The following MORC4 variants were observed in gnomAD, a reference collection of about 807,000 sequenced individuals.
MORC4 encodes the protein MORC family CW-type zinc finger protein 4.
MORC4 carries 22 observed loss-of-function variants against 65.5 expected under a neutral mutation model. The observed-to-expected ratio is 0.34, with a 90% CI of 0.24 to 0.48. The LOEUF (loss-of-function observed/expected upper bound fraction) is 0.48, where lower values mean the gene tolerates loss of function less well. Ranked by LOEUF, MORC4 falls within the 20% of genes least tolerant of loss-of-function variation. The pLI, the probability that MORC4 is intolerant of heterozygous loss-of-function variation, is 0.99. For synonymous variants in MORC4, 267 were observed against 255.8 expected (o/e 1.04, Z -0.42); for missense variants, 624 against 703.0 (o/e 0.89, Z 1.27).
intron 3 of MORC4, among the ~76,000 whole-genome samples, chrX:106,990,208 C>G (rs1368215723): frequency 9.1e-6 from 1 of 109,657 alleles, no homozygotes; most frequent in East Asian, 2.9e-4. Flanking sequence ...AAATAGAATC[C>G]TTTGCTGGAA....
In MORC4 at chrX:106,941,440, A is replaced by T. The variant is rs1933675365; in HGVS notation, c.*39T>A. The T allele has an allele frequency of 9.0e-7, 1 of 1,111,243 alleles. No homozygotes were observed. Among genetic ancestry groups the T allele is most frequent in the Non-Finnish European group, 1.2e-6 (1 of 822,515 alleles). The allele number at this position is 1,111,243 out of a possible 1,213,427, so 91.6% of individuals were successfully genotyped here. ...GAGGGAGGGAGAGAAAAGAGAACAGACAGAAGATAAGAGAAGAGAAGGGTA... is the reference window on the plus strand; with the variant it reads ...GAGGGAGGGAGAGAAAAGAGAACAGTCAGAAGATAAGAGAAGAGAAGGGTA... On this transcript the variant is annotated 3_prime_UTR_variant, in exon 17 of 17. Transcript: ENST00000355610.
chrX:106,993,435 G>A (rs779177695), intron 2 of MORC4, 73 bp from the exon 3 acceptor site: 133 of 1,036,955 alleles, frequency 1.3e-4, no homozygotes, highest in Non-Finnish European at 1.7e-4. Context: ...GTTCAGTGAC[G>A]CCAAGACATA....
chrX:106,986,397 G>T lies in MORC4; in HGVS notation c.309-197C>A, dbSNP rs149577139. The stretch of plus-strand genomic sequence containing the variant: ...CATAGGAAATTACTATGGGGTAATG[G>T]GACTAATTTTCCTGTGTGGTTTGTG... On this transcript the variant is annotated intron_variant, in intron 3 of 16. Coordinates refer to ENST00000355610, the MANE Select transcript of MORC4 (RefSeq NM_024657.5). 1.9e-4 allele frequency among the ~76,000 whole-genome samples: 21 copies of T among 111,615 alleles called. No individual in the cohort carries two copies. In the East Asian group the frequency reaches 5.1e-3, roughly 27 times the overall value.
chrX:106,997,714 G>A (rs1935105344), intron 2 of MORC4, among the ~76,000 whole-genome samples: 1 of 111,779 alleles, frequency 8.9e-6, no homozygotes, highest in African/African-American at 3.3e-5. Flanking sequence ...TTTACTATTT[G>A]TGAACCCCAT....
intron 3 of MORC4, among the ~76,000 whole-genome samples, chrX:106,991,160 A>T (rs757065142): frequency 9.0e-6 from 1 of 111,641 alleles, no homozygotes; most frequent in Non-Finnish European, 1.9e-5. Context: ...TTCATATTTC[A>T]ATTTGAATGT....
Position 106,942,893 on chromosome X carries a change from C to G in MORC4, c.1998G>C (p.Met666Ile). ...TAGATTCTTCTGCCACCAATCTTGG[C>G]ATCTGATCTTCTAATTCTTCAGGAA... is the stretch of plus-strand genomic sequence containing the variant. ...SLLPEELEDQMPRLVAEESNR... is the reference protein window; with the variant it reads ...SLLPEELEDQIPRLVAEESNR... The change falls in exon 15 of 17, where the codon ATG (methionine) becomes ATC (isoleucine). Residue 666 changes from methionine (M) to isoleucine (I), a missense_variant. Physicochemically the swap from Met to Ile is conservative, Grantham distance 10. Transcript: ENST00000355610. 1 of 1,211,944 alleles carries G rather than the reference C, an allele frequency of 8.3e-7. No homozygotes were observed. The highest frequency in any genetic ancestry group is 1.8e-5 in the South Asian group (1 of 56,978).
chrX:106,997,095 C>T (rs1480858447), intron 2 of MORC4, among the ~76,000 whole-genome samples: 1 of 112,208 alleles, frequency 8.9e-6, no homozygotes, highest in Non-Finnish European at 1.9e-5. Context: ...GTATTCCTGC[C>T]TAAAGGTAAG....
At chrX:106,944,110 A>G (rs1933765982) in intron 14 of MORC4, among the ~76,000 whole-genome samples, 1 of 112,516 alleles carries the variant, frequency 8.9e-6, no homozygotes, top group East Asian at 2.8e-4. Flanking sequence ...TCAATGAGAA[A>G]GCATCAGACA....
intron 3 of MORC4, among the ~76,000 whole-genome samples, chrX:106,987,986 TA>T (rs1004757459): frequency 2.2e-4 from 24 of 111,254 alleles, no homozygotes; most frequent in Non-Finnish European, 3.6e-4. Flanking sequence ...AATTGGCTTT[TA>T]AAAAAAATGG....
intron 14 of MORC4, among the ~76,000 whole-genome samples, chrX:106,943,677 A>C (rs1933756920): frequency 8.9e-6 from 1 of 112,737 alleles, no homozygotes; most frequent in Admixed American, 9.4e-5. Flanking sequence ...AGACTTATGC[A>C]CATTTTTTTA....
Position 106,988,312 on chromosome X carries a change from T to G in MORC4, c.309-2112A>C, listed in dbSNP as rs371393806. Among the ~76,000 whole-genome samples, 582 of 112,056 alleles carry G rather than the reference T, an allele frequency of 5.2e-3. 2 individuals are homozygous for G. The highest frequency in any genetic ancestry group is 0.018 in the African/African-American group (561 of 30,863). The stretch of plus-strand genomic sequence containing the variant: ...TTACAACTCCCTTAATTTTTTAGCC[T>G]CTTCCACCATCTATCACCTCTTTTC... On this transcript the variant is annotated intron_variant, in intron 3 of 16. Transcript: ENST00000355610.
At chrX:106,963,150 T>C (rs1207646719) in intron 9 of MORC4, among the ~76,000 whole-genome samples, 1 of 112,144 alleles carries the variant, frequency 8.9e-6, no homozygotes, top group East Asian at 2.8e-4. Flanking sequence ...GATGAAGAAC[T>C]ATTCCTCATT....
chrX:106,986,268 A>C, intron 3 of MORC4, 68 bp from the exon 4 acceptor site: 1 of 813,214 alleles, frequency 1.2e-6, no homozygotes, highest in Non-Finnish European at 1.8e-6. Context: ...ATCCTAAGAT[A>C]GGTGACAGGC....
intron 14 of MORC4, among the ~76,000 whole-genome samples, chrX:106,947,264 A>G (rs1379708255): frequency 9.1e-6 from 1 of 109,703 alleles, no homozygotes; most frequent in Non-Finnish European, 1.9e-5. Flanking sequence ...CCTAACATAC[A>G]GTCTGTCTAT....
chrX:106,947,161 GGTT>G (rs977098086), intron 14 of MORC4, among the ~76,000 whole-genome samples: 11 of 109,928 alleles, frequency 1.0e-4, no homozygotes, highest in African/African-American at 3.6e-4. Flanking sequence ...AATTTCCTTA[GGTT>G]GTTGATTTCT....
chrX:106,968,769 C>T (rs983101068), intron 9 of MORC4, among the ~76,000 whole-genome samples: 1 of 108,259 alleles, frequency 9.2e-6, no homozygotes, highest in Non-Finnish European at 1.9e-5. Flanking sequence ...ATCAATTCAA[C>T]AAGAAGAGCT....
At chrX:106,951,050 T>C (rs1252812998) in intron 14 of MORC4, among the ~76,000 whole-genome samples, 1 of 111,702 alleles carries the variant, frequency 9.0e-6, no homozygotes, top group Admixed American at 9.5e-5. Context: ...GGTGACAGAG[T>C]CCACTATGCT....
intron 14 of MORC4, among the ~76,000 whole-genome samples, chrX:106,954,348 G>C (rs1428539858): frequency 4.4e-5 from 5 of 112,400 alleles, no homozygotes; most frequent in Non-Finnish European, 7.5e-5. Context: ...GCTTCTTCTT[G>C]TTATGAAGAC....
chrX:106,953,316 C>T (rs1934021943), intron 14 of MORC4, among the ~76,000 whole-genome samples: 2 of 111,733 alleles, frequency 1.8e-5, no homozygotes, highest in South Asian at 7.5e-4. Context: ...GAAAAGTGGT[C>T]ATAGTAAGGA....
Sources: gnomAD v4.1 joint callset for allele counts (sites outside exome capture counted in the v4.1 genomes callset) on GRCh38, gnomAD v4.1.1 for gene constraint, MANE v1.5 for transcripts, NCBI Gene and HGNC (gene_info 2026-07-23, HGNC 2026-07-21) for gene names.